Variants in PDZRN3 observed in about 807,000 individuals in gnomAD.
PDZRN3 encodes the protein PDZ domain containing ring finger 3, also known as E3 ubiquitin-protein ligase PDZRN3.
In PDZRN3, 38 loss-of-function variants were observed where a neutral mutation model predicts 85.7. The observed-to-expected ratio is 0.44, with a 90% CI of 0.34 to 0.58. The LOEUF (loss-of-function observed/expected upper bound fraction) is 0.58, where lower values mean the gene tolerates loss of function less well. Among genes scored for constraint, PDZRN3 ranks in the 20% least tolerant of loss-of-function variants. The probability of loss-of-function intolerance (pLI) is 0.01; values close to 1 mark genes in which losing one functional copy is unlikely to be tolerated. For missense variants in PDZRN3, 1,629 were observed against 1,506.4 expected (o/e 1.08, Z -1.35); for synonymous variants, 759 against 638.0 (o/e 1.19, Z -2.86).
Position 73,569,573 on chromosome 3 carries a change from T to C in PDZRN3, c.918+32781A>G, listed in dbSNP as rs187179686. ...TCCCACCCCCACACCCGCACACACA[T>C]TGACAGACACAGAGGACAGACAGCC... On this transcript the variant is annotated intron_variant, in intron 3 of 9. Transcript: ENST00000263666. 21 of 1,036,554 alleles carry C rather than the reference T, an allele frequency of 2.0e-5. No individual in the cohort carries two copies. The East Asian group carries it at 5.7e-4, about 28-fold the overall frequency. The allele number at this position is 1,036,554 out of a possible 1,614,324, so 64.2% of individuals were successfully genotyped here.
At chr3:73,428,569 C>G (rs1308469080) in intron 3 of PDZRN3, among the ~76,000 whole-genome samples, 9 of 152,144 alleles carry the variant, frequency 5.9e-5, no homozygotes, top group African/African-American at 2.2e-4. Flanking sequence ...CCTTGGAATA[C>G]TTCAGAAGGA....
chr3:73,459,920 T>A (rs1703069418), intron 3 of PDZRN3, among the ~76,000 whole-genome samples: 1 of 152,210 alleles, frequency 6.6e-6, no homozygotes, highest in Non-Finnish European at 1.5e-5. Flanking sequence ...GATGTCTGCC[T>A]GTGGAAGTCC....
chr3:73,389,936 A>G, intron 6 of PDZRN3, 58 bp from the exon 7 acceptor site: 1 of 1,238,108 alleles, frequency 8.1e-7, no homozygotes, highest in Non-Finnish European at 1.2e-6. Context: ...AATAAGCAAC[A>G]GCACTTTCAA....
intron 3 of PDZRN3, among the ~76,000 whole-genome samples, chr3:73,437,921 G>C (rs1240012853): frequency 6.6e-6 from 1 of 152,202 alleles, no homozygotes; most frequent in East Asian, 1.9e-4. Flanking sequence ...AAGTCTGTTA[G>C]TGATTGCAAG....
chr3:73,512,066 TG>T (rs1280977803), intron 3 of PDZRN3, among the ~76,000 whole-genome samples: 1 of 152,230 alleles, frequency 6.6e-6, no homozygotes, highest in African/African-American at 2.4e-5. Flanking sequence ...CCATGACAAA[TG>T]TAACAGCTCA....
At chr3:73,401,764 C>T (rs1701754537) in intron 4 of PDZRN3, 1 of 152,210 alleles carries the variant, frequency 6.6e-6, no homozygotes, top group Non-Finnish European at 1.5e-5. Context: ...GGAATCATAA[C>T]ATACTCCATC....
At position 73,624,418 on chromosome 3, in the gene PDZRN3, C is replaced by A; in HGVS notation, c.408G>T (p.Ala136=). Residue 136 remains alanine, a synonymous_variant, in exon 1 of 10, where the codon GCG becomes GCT. Coordinates refer to ENST00000263666, the MANE Select transcript of PDZRN3 (RefSeq NM_015009.3). ...VEAHMRDACD[A]RPVGRCQEGC... Reference sequence around the variant, plus strand: ...CCTCCTGGCAGCGGCCCACTGGCCGCGCGTCGCAGGCGTCGCGCATGTGCG... The same window carrying A: ...CCTCCTGGCAGCGGCCCACTGGCCGAGCGTCGCAGGCGTCGCGCATGTGCG... 1 of 1,301,882 alleles carries A rather than the reference C, an allele frequency of 7.7e-7. No homozygotes were observed. The highest frequency in any genetic ancestry group is 9.7e-7 in the Non-Finnish European group (1 of 1,030,570). The allele number at this position is 1,301,882 out of a possible 1,614,324, so 80.6% of individuals were successfully genotyped here.
intron 3 of PDZRN3, among the ~76,000 whole-genome samples, chr3:73,499,256 T>A (rs1008763528): frequency 6.6e-6 from 1 of 152,188 alleles, no homozygotes; most frequent in Non-Finnish European, 1.5e-5. Context: ...CGGCGAGTCC[T>A]GATCTCATGG....
chr3:73,475,373 T>C (rs1172645568), intron 3 of PDZRN3, among the ~76,000 whole-genome samples: 1 of 152,192 alleles, frequency 6.6e-6, no homozygotes, highest in African/African-American at 2.4e-5. Flanking sequence ...ACCTTTCTAC[T>C]TTCCTGTTAG....
At position 73,563,010 on chromosome 3, in the gene PDZRN3, TATA is replaced by T. The variant is rs1438390018; in HGVS notation, c.918+39341_918+39343del. ...ATATATATATATATATATATATATA[TATA>T]TTTTTTTTTTTTTTTTTTTTTTTGA... On this transcript the variant is annotated intron_variant, in intron 3 of 9. Transcript: ENST00000263666. Among the ~76,000 whole-genome samples, 130 of 41,294 alleles carry T rather than the reference TATA, an allele frequency of 3.1e-3. 2 individuals carry two copies. The highest frequency in any genetic ancestry group is 0.014 in the African/African-American group (121 of 8,856). The allele number at this position is 41,294 out of a possible 152,430, so 27.1% of individuals were successfully genotyped here. A position where few individuals can be genotyped will look rare whatever the true frequency, so the allele number is the denominator to read the frequency against.
chr3:73,551,450 A>C (rs1052060272), intron 3 of PDZRN3, among the ~76,000 whole-genome samples: 3 of 152,166 alleles, frequency 2.0e-5, no homozygotes, highest in Admixed American at 6.5e-5. Context: ...TGGGAGGCTG[A>C]GGTGGGAGGA....
At chr3:73,408,383 C>T in intron 3 of PDZRN3, 1 of 596,484 alleles carries the variant, frequency 1.7e-6, no homozygotes. Context: ...CGTGGGGATC[C>T]TGTAGTAGAA....
intron 3 of PDZRN3, among the ~76,000 whole-genome samples, chr3:73,574,052 A>G (rs1225844110): frequency 6.6e-6 from 1 of 152,224 alleles, no homozygotes; most frequent in Admixed American, 6.5e-5. Flanking sequence ...AGTGGTTTGC[A>G]GGAGGCAAGA....
intron 3 of PDZRN3, among the ~76,000 whole-genome samples, chr3:73,529,037 C>T (rs1270586262): frequency 6.6e-6 from 1 of 152,060 alleles, no homozygotes; most frequent in African/African-American, 2.4e-5. Flanking sequence ...TTAAAGTATA[C>T]TTACAGATAT....
At chr3:73,611,184 T>C (rs184352505) in intron 1 of PDZRN3, among the ~76,000 whole-genome samples, 2 of 152,324 alleles carry the variant, frequency 1.3e-5, no homozygotes, top group Admixed American at 6.5e-5. Context: ...ATGGTTTTAT[T>C]GTTGAAATTC....
intron 3 of PDZRN3, among the ~76,000 whole-genome samples, chr3:73,415,868 T>C (rs1318470057): frequency 6.6e-6 from 1 of 152,014 alleles, no homozygotes; most frequent in African/African-American, 2.4e-5. Flanking sequence ...CAAATTAACA[T>C]ATCCATCATG....
chr3:73,590,138 G>A (rs1702334754), intron 3 of PDZRN3, among the ~76,000 whole-genome samples: 1 of 134,536 alleles, frequency 7.4e-6, no homozygotes, highest in South Asian at 2.6e-4. Context: ...GTGTGGTGAC[G>A]GGCACCTGTA....
intron 3 of PDZRN3, among the ~76,000 whole-genome samples, chr3:73,571,905 C>T (rs1337601721): frequency 5.3e-5 from 8 of 152,106 alleles, no homozygotes; most frequent in South Asian, 2.1e-4. Flanking sequence ...GGCTGGGAAA[C>T]GGCAGGGTAA....
intron 3 of PDZRN3, among the ~76,000 whole-genome samples, chr3:73,517,424 T>A (rs528801068): frequency 2.8e-4 from 42 of 152,320 alleles, no homozygotes; most frequent in Admixed American, 1.8e-3. Flanking sequence ...TGCATAATTA[T>A]CGAGAGCTCT....
Sources: gnomAD v4.1 joint callset for allele counts (sites outside exome capture counted in the v4.1 genomes callset) on GRCh38, gnomAD v4.1.1 for gene constraint, MANE v1.5 for transcripts, NCBI Gene and HGNC (gene_info 2026-07-23, HGNC 2026-07-21) for gene names.